Variants in LRMDA observed in about 807,000 individuals in gnomAD.
LRMDA encodes the protein leucine-rich melanocyte differentiation-associated protein.
Under a neutral mutation model 29.8 loss-of-function variants are expected in LRMDA, and 18 were observed. The ratio of observed to expected loss-of-function variants is 0.60; its 90% confidence interval spans 0.42 to 0.90. The LOEUF (loss-of-function observed/expected upper bound fraction) is 0.90, where lower values mean the gene tolerates loss of function less well. Among genes scored for constraint, LRMDA ranks in the 40% least tolerant of loss-of-function variants. The pLI, the probability that LRMDA is intolerant of heterozygous loss-of-function variation, is 0.00. For missense variants in LRMDA, 273 were observed against 273.9 expected, an observed-to-expected ratio of 1.00 and a Z score of 0.02; for synonymous variants, 125 against 109.4, an observed-to-expected ratio of 1.14 and a Z score of -0.89.
intron 2 of LRMDA, among the ~76,000 whole-genome samples, chr10:75,658,335 A>C (rs1182325183): frequency 1.3e-5 from 2 of 151,876 alleles, no homozygotes; most frequent in East Asian, 3.9e-4. Context: ...AGGCTGGTGA[A>C]AAAAATGATT....
At chr10:76,045,025 C>T (rs1165873587) in intron 3 of LRMDA, among the ~76,000 whole-genome samples, 1 of 149,974 alleles carries the variant, frequency 6.7e-6, no homozygotes, top group Non-Finnish European at 1.5e-5. Flanking sequence ...GTTTCCCCCT[C>T]TCTTGCTAGT....
intron 2 of LRMDA, among the ~76,000 whole-genome samples, chr10:75,793,324 G>A (rs1032022134): frequency 1.3e-4 from 20 of 152,268 alleles, no homozygotes; most frequent in Middle Eastern, 3.4e-3. Flanking sequence ...AGATCCATTA[G>A]GAAAGCAGTG....
chr10:76,547,452 A>C, intron 6 of LRMDA, among the ~76,000 whole-genome samples: 1 of 152,190 alleles, frequency 6.6e-6, no homozygotes, highest in Non-Finnish European at 1.5e-5. Flanking sequence ...GGTGACCAAA[A>C]GCACAGTGTG....
intron 2 of LRMDA, among the ~76,000 whole-genome samples, chr10:75,564,567 C>T (rs559468768): frequency 6.6e-6 from 1 of 152,366 alleles, no homozygotes; most frequent in East Asian, 1.9e-4. Context: ...TCTGGCACTC[C>T]CTAGTGAGAT....
chr10:76,362,435 G>T (rs574659462), intron 6 of LRMDA, among the ~76,000 whole-genome samples: 3 of 152,312 alleles, frequency 2.0e-5, no homozygotes, highest in African/African-American at 7.2e-5. Flanking sequence ...TTAATTGAAA[G>T]TAACATAGTA....
intron 6 of LRMDA, among the ~76,000 whole-genome samples, chr10:76,441,577 AT>A (rs1441111847): frequency 6.6e-6 from 1 of 152,166 alleles, no homozygotes; most frequent in Non-Finnish European, 1.5e-5. Flanking sequence ...CATGTTCCCC[AT>A]TCATCAATAG....
chr10:75,916,162 C>CTGTG (rs1384225466), intron 2 of LRMDA, among the ~76,000 whole-genome samples: 1 of 88,138 alleles, frequency 1.1e-5, no homozygotes, highest in South Asian at 5.8e-4. Flanking sequence ...ATTGCCAGGC[C>CTGTG]TATGTGTGTG....
intron 5 of LRMDA, among the ~76,000 whole-genome samples, chr10:76,274,946 G>A (rs1019864701): frequency 2.6e-5 from 4 of 152,030 alleles, no homozygotes; most frequent in Admixed American, 2.6e-4. Context: ...TTCCATAGTT[G>A]TTTAGTGTTG....
intron 2 of LRMDA, among the ~76,000 whole-genome samples, chr10:75,964,743 C>G (rs889821682): frequency 6.6e-6 from 1 of 152,042 alleles, no homozygotes; most frequent in Non-Finnish European, 1.5e-5. Flanking sequence ...CGTTTGAAGC[C>G]TAGTGGTTTT....
intron 2 of LRMDA, among the ~76,000 whole-genome samples, chr10:75,806,490 G>T: frequency 6.6e-6 from 1 of 152,132 alleles, no homozygotes; most frequent in East Asian, 1.9e-4. Context: ...TAGGATTAAT[G>T]ATTTTCTTCC....
At chr10:75,624,968 G>A (rs924115329) in intron 2 of LRMDA, among the ~76,000 whole-genome samples, 2 of 152,206 alleles carry the variant, frequency 1.3e-5, no homozygotes, top group African/African-American at 4.8e-5. Context: ...TATGTAAAGA[G>A]TCACAAGACC....
chr10:75,745,264 CTT>C (rs1370372372), intron 2 of LRMDA, among the ~76,000 whole-genome samples: 1 of 120,858 alleles, frequency 8.3e-6, no homozygotes, highest in East Asian at 2.0e-4. Context: ...CTCTCTCTCT[CTT>C]TCTCTCTCTC....
chr10:75,522,898 C>T (rs1426331236), intron 2 of LRMDA, among the ~76,000 whole-genome samples: 1 of 152,196 alleles, frequency 6.6e-6, no homozygotes, highest in African/African-American at 2.4e-5. Flanking sequence ...AAGGTCTCCC[C>T]TTAGTGGTCC....
chr10:76,181,657 C>T (rs1690288196), intron 5 of LRMDA, among the ~76,000 whole-genome samples: 1 of 152,196 alleles, frequency 6.6e-6, no homozygotes, highest in African/African-American at 2.4e-5. Context: ...ATAAGGACCT[C>T]TTTCTAATCT....
At chr10:76,066,404 C>G (rs895937698) in intron 5 of LRMDA, among the ~76,000 whole-genome samples, 4 of 152,180 alleles carry the variant, frequency 2.6e-5, no homozygotes, top group African/African-American at 9.7e-5. Context: ...AATGAGGAAA[C>G]TGATGATCAG....
chr10:76,263,467 T>A (rs1361572313), intron 5 of LRMDA, among the ~76,000 whole-genome samples: 1 of 152,344 alleles, frequency 6.6e-6, no homozygotes, highest in African/African-American at 2.4e-5. Flanking sequence ...TGTTTCCAGG[T>A]TTGCATGATG....
At chr10:75,460,059 C>T (rs1333648201) in intron 2 of LRMDA, among the ~76,000 whole-genome samples, 1 of 152,156 alleles carries the variant, frequency 6.6e-6, no homozygotes, top group African/African-American at 2.4e-5. Context: ...TTTATACTGG[C>T]CCCAGCATTC....
chr10:75,681,716 C>T (rs911928527), intron 2 of LRMDA, among the ~76,000 whole-genome samples: 1 of 152,190 alleles, frequency 6.6e-6, no homozygotes, highest in Non-Finnish European at 1.5e-5. Flanking sequence ...TGGCCTAGAC[C>T]AGTATCAGTG....
intron 2 of LRMDA, among the ~76,000 whole-genome samples, chr10:75,512,449 A>G (rs1255475410): frequency 6.6e-6 from 1 of 152,060 alleles, no homozygotes; most frequent in African/African-American, 2.4e-5. Context: ...TTAGTAATTT[A>G]TAAATAAAAT....
Sources: gnomAD v4.1 joint callset for allele counts (sites outside exome capture counted in the v4.1 genomes callset) on GRCh38, gnomAD v4.1.1 for gene constraint, MANE v1.5 for transcripts, NCBI Gene and HGNC (gene_info 2026-07-23, HGNC 2026-07-21) for gene names.